Variants in MYOZ3 observed in about 807,000 individuals in gnomAD.
MYOZ3 encodes the protein myozenin-3.
MYOZ3 carries 19 observed loss-of-function variants against 26.5 expected under a neutral mutation model. The observed-to-expected ratio is 0.72, with a 90% CI of 0.50 to 1.05. The LOEUF is 1.05. MYOZ3 is among the 50% of genes least tolerant of loss of function. The pLI, the probability that MYOZ3 is intolerant of heterozygous loss-of-function variation, is 0.00. For missense variants in MYOZ3, 322 were observed against 337.1 expected (o/e 0.96, Z 0.35); for synonymous variants, 135 against 138.8 (o/e 0.97, Z 0.19).
At chr5:150,662,732 A>G (rs78253191) in intron 1 of MYOZ3, among the ~76,000 whole-genome samples, 1 of 152,184 alleles carries the variant, frequency 6.6e-6, no homozygotes, top group Admixed American at 6.5e-5. Context: ...AGATTCGTGC[A>G]AACTTGAGCA....
At position 150,679,162 on chromosome 5, in the gene MYOZ3, A is replaced by C. The variant is rs938726633; in HGVS notation, c.*2287A>C. 2.0e-5 allele frequency: 3 copies of C among 152,338 alleles called. No individual in the cohort carries two copies. Among genetic ancestry groups the C allele is most frequent in the African/African-American group, 7.2e-5 (3 of 41,456 alleles). 9.4% of individuals were successfully genotyped at this position (152,338 alleles called of 1,614,324 possible). ...CCATTCAAGAATCTGAAAAGTAGAC[A>C]AGAGGACTCCAGTTGCCTCAGGTTG... On this transcript the variant is annotated 3_prime_UTR_variant, in exon 7 of 7. Coordinates refer to ENST00000517768, the MANE Select transcript of MYOZ3 (RefSeq NM_001122853.3).
At chr5:150,670,312 G>A in intron 2 of MYOZ3, 172 bp from the exon 3 acceptor site, 1 of 598,662 alleles carries the variant, frequency 1.7e-6, no homozygotes, top group Non-Finnish European at 2.6e-6. Flanking sequence ...ACTCTGAGGT[G>A]TCATTTTTGC....
At position 150,671,863 on chromosome 5, in the gene MYOZ3, G is replaced by GCCGCCCCTGCTGGGTGCGTCCC. The variant is rs1397421156; in HGVS notation, c.381_402dup (p.Ser135ArgfsTer117). The GCCGCCCCTGCTGGGTGCGTCCC allele has an allele frequency of 1.9e-6, 3 of 1,596,604 alleles. No homozygotes were observed. Among genetic ancestry groups the GCCGCCCCTGCTGGGTGCGTCCC allele is most frequent in the Non-Finnish European group, 8.5e-7 (1 of 1,174,260 alleles). On this transcript the variant is annotated frameshift_variant, in exon 5 of 7. Transcript: ENST00000517768. LOFTEE classifies it high-confidence loss of function. ...GGGTCCCGAGGGCGCCCACCCTGCA[G>GCCGCCCCTGCTGGGTGCGTCCC]CCGCCCCTGCTGGGTGCGTCCCCAG...
chr5:150,662,182 C>T (rs1355156398), intron 1 of MYOZ3, among the ~76,000 whole-genome samples: 1 of 152,184 alleles, frequency 6.6e-6, no homozygotes, highest in Non-Finnish European at 1.5e-5. Flanking sequence ...TCGAGGAGCT[C>T]AAGGGCTCTG....
At chr5:150,664,951 C>G (rs1469057089) in intron 2 of MYOZ3, among the ~76,000 whole-genome samples, 7 of 151,738 alleles carry the variant, frequency 4.6e-5, no homozygotes, top group African/African-American at 1.7e-4. Flanking sequence ...TTGTTCTGTT[C>G]ATATATGAAT....
intron 5 of MYOZ3, 173 bp downstream of exon 5, chr5:150,672,081 G>A (rs1204528224): frequency 1.7e-6 from 2 of 1,154,300 alleles, no homozygotes; most frequent in Non-Finnish European, 2.5e-6. Flanking sequence ...CCGCGCCCCA[G>A]GTCACACAGC....
At chr5:150,674,910 T>G (rs190693613) in intron 6 of MYOZ3, among the ~76,000 whole-genome samples, 39 of 152,178 alleles carry the variant, frequency 2.6e-4, no homozygotes, top group Non-Finnish European at 5.0e-4. Context: ...CTCAGGAGGC[T>G]GAGGTGGGAG....
rs976454759 is a variant in MYOZ3 at position 150,676,827 on chromosome 5, A to T, written c.708A>T (p.Arg236Ser). 4.3e-6 allele frequency: 7 copies of T among 1,613,598 alleles called. No individual in the cohort carries two copies. The Admixed American group carries it at 1.2e-4, about 27-fold the overall frequency. The change falls in exon 7 of 7, where the codon AGA (arginine) becomes AGT (serine). Residue 236 changes from arginine to serine, a missense_variant. Coordinates refer to ENST00000517768, the MANE Select transcript of MYOZ3 (RefSeq NM_001122853.3). ...ELLRLRPSFN[R>S]VAQGWVRNLP... ...TCCGTCTCAGACCCAGCTTCAACAG[A>T]GTGGCCCAGGGCTGGGTCCGTAACC...
chr5:150,667,285 T>C (rs373062675), intron 2 of MYOZ3, among the ~76,000 whole-genome samples: 1 of 152,310 alleles, frequency 6.6e-6, no homozygotes, highest in East Asian at 1.9e-4. Flanking sequence ...GCAACCCCTC[T>C]TCTCAAACCT....
chr5:150,665,018 CTTT>C (rs1180549807), intron 2 of MYOZ3, among the ~76,000 whole-genome samples: 1 of 141,582 alleles, frequency 7.1e-6, no homozygotes, highest in South Asian at 2.2e-4. Context: ...TGTTCTTTGG[CTTT>C]TTTTTTTTTT....
rs1195126946 is a variant in MYOZ3, at chr5:150,678,706, T to C, written c.*1831T>C. 6.6e-6 allele frequency: 1 copy of C among 152,298 alleles called. No homozygotes were observed. Among genetic ancestry groups the C allele is most frequent in the East Asian group, 1.9e-4 (1 of 5,248 alleles). The allele number at this position is 152,298 out of a possible 1,614,324, so 9.4% of individuals were successfully genotyped here. Reference sequence around the variant, plus strand: ...TCCAAGTGTAAGATGAGGACAAGTATAAAACCTCCTTTATGGGTTTGTTGT... The same window carrying C: ...TCCAAGTGTAAGATGAGGACAAGTACAAAACCTCCTTTATGGGTTTGTTGT... On this transcript the variant is annotated 3_prime_UTR_variant, in exon 7 of 7. Coordinates refer to ENST00000517768, the MANE Select transcript of MYOZ3 (RefSeq NM_001122853.3).
intron 3 of MYOZ3, 130 bp from the exon 4 acceptor site, chr5:150,671,462 TAACTC>T: frequency 1.2e-6 from 1 of 858,506 alleles, no homozygotes; most frequent in South Asian, 1.6e-5. Context: ...TGTAAACTAG[TAACTC>T]ATCCTTGTTC....
chr5:150,672,006 C>A, intron 5 of MYOZ3, 98 bp downstream of exon 5: 1 of 1,425,680 alleles, frequency 7.0e-7, no homozygotes, highest in Non-Finnish European at 9.3e-7. Flanking sequence ...GGCTAGTCCG[C>A]CCCCTTCCCC....
rs7737542 is a variant in MYOZ3, at chr5:150,676,745, C to A, written c.626C>A (p.Thr209Asn). The A allele has an allele frequency of 0.02, 32,240 of 1,613,724 alleles. 3,707 individuals carry two copies. The African/African-American group carries it at 0.3, about 15-fold the overall frequency. ...VPFGGPLVGG[T>N]FPRPGTPFIP... ...TTTGGAGGACCCCTCGTGGGGGGCA[C>A]TTTTCCCAGGCCAGGCACCCCCTTC... is the stretch of plus-strand genomic sequence containing the variant. The change falls in exon 7 of 7, where the codon ACT becomes AAT. Residue 209 changes from threonine (T) to asparagine (N), a missense_variant. Coordinates refer to ENST00000517768, the MANE Select transcript of MYOZ3 (RefSeq NM_001122853.3).
Position 150,672,464 on chromosome 5 carries a change from T to TCA in MYOZ3, c.553_554dup (p.Ser187ProfsTer192). On this transcript the variant is annotated frameshift_variant, in exon 6 of 7. Coordinates refer to ENST00000517768, the MANE Select transcript of MYOZ3 (RefSeq NM_001122853.3). LOFTEE classifies it high-confidence loss of function. ...GGGACTACCAGAGCGATGGCCGAAG[T>TCA]CACACCCCCAGCCCCAACGACTACC... 6.2e-7 allele frequency: 1 copy of TCA among 1,603,532 alleles called. No homozygotes were observed. The highest frequency in any genetic ancestry group is 8.5e-7 in the Non-Finnish European group (1 of 1,173,742).
chr5:150,672,242 C>T (rs1758927822), intron 5 of MYOZ3, 98 bp from the exon 6 acceptor site: 1 of 1,525,048 alleles, frequency 6.6e-7, no homozygotes, highest in Non-Finnish European at 8.9e-7. Context: ...TCCGATCTTC[C>T]CTCCTCCAAC....
intron 6 of MYOZ3, among the ~76,000 whole-genome samples, chr5:150,674,520 C>T (rs1758973771): frequency 6.6e-6 from 1 of 152,218 alleles, no homozygotes; most frequent in South Asian, 2.1e-4. Context: ...TTGGACACCA[C>T]CCAGCCTGTT....
At position 150,671,674 on chromosome 5, in the gene MYOZ3, G is replaced by C. The variant is rs200348847; in HGVS notation, c.270+24G>C. 7.3e-4 allele frequency: 1,182 copies of C among 1,613,754 alleles called. 25 individuals carry two copies. The East Asian group carries it at 0.026, about 35-fold the overall frequency. ...CGGTGAGCGTGGAGGGGAGCTCCCT[G>C]GAAGGGAAGCTGGGGGAAGGGGAGC... On this transcript the variant is annotated intron_variant, in intron 4 of 6. Coordinates refer to ENST00000517768, the MANE Select transcript of MYOZ3 (RefSeq NM_001122853.3).
At chr5:150,670,775 C>A in intron 3 of MYOZ3, 137 bp downstream of exon 3, 1 of 761,606 alleles carries the variant, frequency 1.3e-6, no homozygotes, top group Non-Finnish European at 2.0e-6. Context: ...CAGTGTGATC[C>A]TTGAAAAGTG....
Sources: allele counts gnomAD v4.1 joint callset (sites outside exome capture counted in the v4.1 genomes callset), GRCh38; gene constraint gnomAD v4.1.1; transcripts MANE v1.5; gene names NCBI Gene and HGNC (gene_info 2026-07-23, HGNC 2026-07-21).